The following CDHR1 variants were observed in gnomAD, a reference collection of about 807,000 sequenced individuals.
CDHR1 encodes the protein cadherin-related family member 1.
Under a neutral mutation model 72.1 loss-of-function variants are expected in CDHR1, and 61 were observed. That is an observed-to-expected ratio of 0.85 (90% confidence interval 0.69 to 1.05). The LOEUF (loss-of-function observed/expected upper bound fraction) is 1.05. Ranked by LOEUF, CDHR1 falls within the 50% of genes least tolerant of loss-of-function variation. The pLI, the probability that CDHR1 is intolerant of heterozygous loss-of-function variation, is 0.00. For missense variants in CDHR1, 1,186 were observed against 1,115.7 expected, an observed-to-expected ratio of 1.06 and a Z score of -0.90; for synonymous variants, 470 against 448.1, an observed-to-expected ratio of 1.05 and a Z score of -0.62.
chr10:84,195,740 A>ATCGCCTGGGCTCTCC (rs1424008986), intron 2 of CDHR1, 151 bp downstream of exon 2: 1 of 733,566 alleles, frequency 1.4e-6, no homozygotes, highest in African/African-American at 1.7e-5. Context: ...ATGGCAGGAA[A>ATCGCCTGGGCTCTCC]GAAGGTCATT....
In CDHR1 at chr10:84,216,698, A is replaced by C. The variant is rs1022968550; in HGVS notation, c.*2077A>C. ...GCTGAAAATTTTTGTCCAAATTGCCATGCAGATATCTTGAACAGCAGGACA... is the reference window on the plus strand; with the variant it reads ...GCTGAAAATTTTTGTCCAAATTGCCCTGCAGATATCTTGAACAGCAGGACA... On this transcript the variant is annotated 3_prime_UTR_variant, in exon 17 of 17. Coordinates refer to ENST00000623527, the MANE Select transcript of CDHR1 (RefSeq NM_033100.4). The C allele has an allele frequency of 1.0e-6, 1 of 985,376 alleles. No individual in the cohort carries two copies. The highest frequency in any genetic ancestry group is 1.7e-5 in the African/African-American group (1 of 57,254). The allele number at this position is 985,376 out of a possible 1,614,324, so 61.0% of individuals were successfully genotyped here.
chr10:84,207,590 G>A (rs1416372608), intron 10 of CDHR1, among the ~76,000 whole-genome samples: 1 of 152,204 alleles, frequency 6.6e-6, no homozygotes, highest in African/African-American at 2.4e-5. Context: ...GTACCTATGG[G>A]ATCTTTGCCC....
At chr10:84,210,213 CGTTTTTTTT>C (rs776503396) in intron 12 of CDHR1, among the ~76,000 whole-genome samples, 20 of 150,864 alleles carry the variant, frequency 1.3e-4, no homozygotes, top group South Asian at 6.4e-4. Context: ...AGCCAAGACT[CGTTTTTTTT>C]GTTTTTTTTG....
chr10:84,219,264 C>T (rs912786645), downstream of CDHR1: 42 of 1,550,110 alleles, frequency 2.7e-5, no homozygotes, highest in Middle Eastern at 3.3e-4. Context: ...AAGGGGCAGC[C>T]CAAGCATCTT....
chr10:84,206,462 T>C (rs1265956497), intron 10 of CDHR1, among the ~76,000 whole-genome samples: 2 of 152,230 alleles, frequency 1.3e-5, no homozygotes, highest in African/African-American at 4.8e-5. Context: ...CTAAGCTTAA[T>C]GCTCGCTGTT....
intron 16 of CDHR1, 77 bp downstream of exon 16, chr10:84,213,425 A>G: frequency 6.3e-7 from 1 of 1,582,306 alleles, no homozygotes. Context: ...GCAGAGCGAG[A>G]AGGACCATCT....
rs1326140421 is a variant in CDHR1, at chr10:84,213,297, C to T, written c.1989C>T (p.Ser663=). The change falls in exon 16 of 17, where the codon TCC becomes TCT. Residue 663 remains serine (S), a synonymous_variant. Coordinates refer to ENST00000623527, the MANE Select transcript of CDHR1 (RefSeq NM_033100.4). The part of the protein sequence containing the change: ...SLEVQAKDRG[S]PSFSTTALLK... ...AGGTGCAGGCCAAGGACCGGGGCTC[C>T]CCATCCTTCAGCACCACAGCCTTAC... 2 of 1,614,234 alleles carry T rather than the reference C, an allele frequency of 1.2e-6. No individual in the cohort carries two copies. Among genetic ancestry groups the T allele is most frequent in the Non-Finnish European group, 1.7e-6 (2 of 1,180,042 alleles).
downstream of CDHR1, chr10:84,218,720 A>G: frequency 1.0e-6 from 1 of 992,936 alleles, no homozygotes; most frequent in Non-Finnish European, 1.2e-6. Context: ...CATCTTTTCA[A>G]CATGAATTAA....
intron 6 of CDHR1, among the ~76,000 whole-genome samples, chr10:84,200,924 AC>A: frequency 6.6e-6 from 1 of 151,998 alleles, no homozygotes; most frequent in East Asian, 1.9e-4. Context: ...CGTCCCCAGG[AC>A]CCTCAGCCCT....
At chr10:84,198,763 A>G (rs1589295144) in intron 4 of CDHR1, among the ~76,000 whole-genome samples, 1 of 152,206 alleles carries the variant, frequency 6.6e-6, no homozygotes, top group Non-Finnish European at 1.5e-5. Context: ...TAATATGCTG[A>G]TCTTTGCCCT....
At chr10:84,195,913 G>A (rs1025519264) in intron 2 of CDHR1, among the ~76,000 whole-genome samples, 1 of 152,186 alleles carries the variant, frequency 6.6e-6, no homozygotes, top group Non-Finnish European at 1.5e-5. Context: ...GCTTTAAAAC[G>A]GCCTAAGAAC....
chr10:84,214,579 A>G lies in CDHR1; in HGVS notation c.2538A>G (p.Gln846=), dbSNP rs1842397392. 6.2e-7 allele frequency: 1 copy of G among 1,600,276 alleles called. No homozygotes were observed. Among genetic ancestry groups the G allele is most frequent in the Non-Finnish European group, 8.5e-7 (1 of 1,179,944 alleles). ...CAACTCTGATCTCTGAGCTCAAGCA[A>G]AAGTTTGAGAAGAAGAGTGTGCACA... ...VQSTLISELK[Q]KFEKKSVHNK... The change falls in exon 17 of 17, where the codon CAA becomes CAG. Residue 846 remains glutamine (Q), a synonymous_variant. Transcript: ENST00000623527.
At chr10:84,206,890 T>C (rs113462563) in intron 10 of CDHR1, among the ~76,000 whole-genome samples, 108 of 151,880 alleles carry the variant, frequency 7.1e-4, no homozygotes, top group African/African-American at 2.4e-3. Flanking sequence ...TGAGGGTAGG[T>C]GGGATGGAAG....
Position 84,217,305 on chromosome 10 carries a change from C to A in CDHR1, c.*2684C>A. 1 of 985,448 alleles carries A rather than the reference C, an allele frequency of 1.0e-6. No individual in the cohort carries two copies. Among genetic ancestry groups the A allele is most frequent in the Non-Finnish European group, 1.2e-6 (1 of 829,948 alleles). The allele number at this position is 985,448 out of a possible 1,614,324, so 61.0% of individuals were successfully genotyped here. A position where few individuals can be genotyped will look rare whatever the true frequency, so the allele number is the denominator to read the frequency against. On this transcript the variant is annotated 3_prime_UTR_variant, in exon 17 of 17. Coordinates refer to ENST00000623527, the MANE Select transcript of CDHR1 (RefSeq NM_033100.4). ...GGAATGGCACACTGGGCAGGCTTGC[C>A]CATTCCTGGCCCTGAGAATGGAGCT...
chr10:84,196,740 C>A (rs1842037225), intron 3 of CDHR1, 90 bp downstream of exon 3: 2 of 1,463,492 alleles, frequency 1.4e-6, no homozygotes, highest in Admixed American at 1.7e-5. Context: ...TTGGTTAGAA[C>A]CTCTCCACAG....
Position 84,212,349 on chromosome 10 carries a change from A to G in CDHR1, c.1724A>G (p.Gln575Arg). The G allele has an allele frequency of 6.2e-7, 1 of 1,614,210 alleles. No homozygotes were observed. Among genetic ancestry groups the G allele is most frequent in the Non-Finnish European group, 8.5e-7 (1 of 1,180,030 alleles). Residue 575 changes from glutamine to arginine, a missense_variant, in exon 15 of 17, where the codon CAG (glutamine) becomes CGG (arginine). Physicochemically the swap from Gln to Arg is conservative, Grantham distance 43. Transcript: ENST00000623527. ...CTGGATGTCAATGACCACCCCCCTCAGTTTGGAAAGAGCGTTCAGAAGAAG... is the reference window on the plus strand; with the variant it reads ...CTGGATGTCAATGACCACCCCCCTCGGTTTGGAAAGAGCGTTCAGAAGAAG... ...TLLDVNDHPP[Q>R]FGKSVQKKTM...
Position 84,215,003 on chromosome 10 carries a change from C to A in CDHR1, c.*382C>A. 1 of 1,147,758 alleles carries A rather than the reference C, an allele frequency of 8.7e-7. No individual in the cohort carries two copies. The highest frequency in any genetic ancestry group is 1.1e-6 in the Non-Finnish European group (1 of 926,300). 71.1% of individuals were successfully genotyped at this position (1,147,758 alleles called of 1,614,324 possible). ...GATCTCATCATCATCCTTAGTCAAG[C>A]AGCAGGGCCCTGGCCACGTGGAGCA... On this transcript the variant is annotated 3_prime_UTR_variant, in exon 17 of 17. Transcript: ENST00000623527.
At position 84,213,359 on chromosome 10, in the gene CDHR1, A is replaced by T; in HGVS notation, c.2040+11A>T. On this transcript the variant is annotated intron_variant, in intron 16 of 16. Coordinates refer to ENST00000623527, the MANE Select transcript of CDHR1 (RefSeq NM_033100.4). ...ATCACAGATGCTGAGGTGAGTACAA[A>T]GCCATGGTCAGGAAAAAGGGGTCAG... The T allele has an allele frequency of 1.2e-6, 2 of 1,614,114 alleles. No homozygotes were observed. The highest frequency in any genetic ancestry group is 1.7e-5 in the Admixed American group (1 of 60,026).
At position 84,215,518 on chromosome 10, in the gene CDHR1, T is replaced by C. The variant is rs560038683; in HGVS notation, c.*897T>C. 3.2e-6 allele frequency: 3 copies of C among 950,132 alleles called. No individual in the cohort carries two copies. The African/African-American group carries it at 5.3e-5, about 17-fold the overall frequency. The allele number at this position is 950,132 out of a possible 1,614,324, so 58.9% of individuals were successfully genotyped here. ...GACTTCCGTTTTTATCCAGCTCTTT[T>C]GCTCACATCGCGTAACCTTGGGAAA... On this transcript the variant is annotated 3_prime_UTR_variant, in exon 17 of 17. Coordinates refer to ENST00000623527, the MANE Select transcript of CDHR1 (RefSeq NM_033100.4).
Sources: allele counts gnomAD v4.1 joint callset (sites outside exome capture counted in the v4.1 genomes callset), GRCh38; gene constraint gnomAD v4.1.1; transcripts MANE v1.5; gene names NCBI Gene and HGNC (gene_info 2026-07-23, HGNC 2026-07-21).